The following CTTNBP2 variants were observed in gnomAD, a reference collection of about 807,000 sequenced individuals.
CTTNBP2 encodes the protein cortactin-binding protein 2.
Under a neutral mutation model 156.9 loss-of-function variants are expected in CTTNBP2, and 108 were observed. The observed-to-expected ratio is 0.69, with a 90% CI of 0.59 to 0.81. The LOEUF (loss-of-function observed/expected upper bound fraction) is 0.81, where lower values mean the gene tolerates loss of function less well. Among genes scored for constraint, CTTNBP2 ranks in the 30% least tolerant of loss-of-function variants. The probability of loss-of-function intolerance (pLI) is 0.00; values close to 1 mark genes in which losing one functional copy is unlikely to be tolerated. For synonymous variants in CTTNBP2, 767 were observed against 751.8 expected, an observed-to-expected ratio of 1.02 and a Z score of -0.33; for missense variants, 1,924 against 2,035.4, an observed-to-expected ratio of 0.95 and a Z score of 1.05.
At chr7:117,734,868 A>G (rs957535626) in intron 16 of CTTNBP2, 45 bp downstream of exon 16, 1 of 1,481,792 alleles carries the variant, frequency 6.7e-7, no homozygotes, top group African/African-American at 1.4e-5. Context: ...CTGACAACAA[A>G]AACCCCTGCT....
Position 117,838,410 on chromosome 7 carries a change from C to CT in CTTNBP2, c.189+22798dup, listed in dbSNP as rs538984065. ...TCTAATGCTAATATCATCAAGGAGT[C>CT]TAATGTGGTTATGTGACACCTTGTT... On this transcript the variant is annotated intron_variant, in intron 2 of 22. Coordinates refer to ENST00000160373, the MANE Select transcript of CTTNBP2 (RefSeq NM_033427.3). Among the ~76,000 whole-genome samples, 323 of 152,224 alleles carry CT rather than the reference C, an allele frequency of 2.1e-3. 2 individuals are homozygous for CT. Among genetic ancestry groups the CT allele is most frequent in the African/African-American group, 6.5e-3 (268 of 41,540 alleles).
At chr7:117,811,731 T>C (rs1222066455) in intron 2 of CTTNBP2, among the ~76,000 whole-genome samples, 1 of 151,798 alleles carries the variant, frequency 6.6e-6, no homozygotes, top group Non-Finnish European at 1.5e-5. Flanking sequence ...ATACAAAAAA[T>C]CCCCTATAGG....
Position 117,767,143 on chromosome 7 carries a change from G to T in CTTNBP2, c.2812C>A (p.Leu938Ile). 1 of 1,611,300 alleles carries T rather than the reference G, an allele frequency of 6.2e-7. No homozygotes were observed. The highest frequency in any genetic ancestry group is 8.5e-7 in the Non-Finnish European group (1 of 1,177,532). ...CLEILCRHGG[L>I]EPERRDKCNR... ...CACTTGTCTCTCCTTTCTGGCTCAAGCCCTCCGTGCCTACACAAGATTTCT... is the reference window on the plus strand; with the variant it reads ...CACTTGTCTCTCCTTTCTGGCTCAATCCCTCCGTGCCTACACAAGATTTCT... The change falls in exon 9 of 23, where the codon CTT becomes ATT. Residue 938 changes from leucine (L) to isoleucine (I), a missense_variant. Coordinates refer to ENST00000160373, the MANE Select transcript of CTTNBP2 (RefSeq NM_033427.3).
At chr7:117,748,457 T>G (rs1796455230) in intron 12 of CTTNBP2, among the ~76,000 whole-genome samples, 1 of 152,170 alleles carries the variant, frequency 6.6e-6, no homozygotes, top group Admixed American at 6.5e-5. Flanking sequence ...ATGCTTAAGT[T>G]CTCTTTTTTC....
chr7:117,767,902 A>G (rs774914265), intron 8 of CTTNBP2, among the ~76,000 whole-genome samples: 3 of 152,186 alleles, frequency 2.0e-5, no homozygotes, highest in Non-Finnish European at 2.9e-5. Context: ...AAATTTTCTA[A>G]TAAATAAGCA....
At position 117,824,940 on chromosome 7, in the gene CTTNBP2, C is replaced by T. The variant is rs193208029; in HGVS notation, c.190-13951G>A. 6.6e-5 allele frequency among the ~76,000 whole-genome samples: 10 copies of T among 152,226 alleles called. No homozygotes were observed. In the East Asian group the frequency reaches 1.9e-3, roughly 29 times the overall value. On this transcript the variant is annotated intron_variant, in intron 2 of 22. Transcript: ENST00000160373. ...TCTATCCTGCAAGATCTCTCATGGG[C>T]CTTATGTTTTCTTTTTTCTTGTTTA... is the stretch of plus-strand genomic sequence containing the variant.
intron 2 of CTTNBP2, among the ~76,000 whole-genome samples, chr7:117,848,413 T>C (rs1412235385): frequency 6.6e-6 from 1 of 152,174 alleles, no homozygotes; most frequent in African/African-American, 2.4e-5. Context: ...CAATGAATTT[T>C]ATGCAAAAGC....
intron 17 of CTTNBP2, among the ~76,000 whole-genome samples, chr7:117,726,522 G>A (rs915055212): frequency 6.6e-6 from 1 of 152,172 alleles, no homozygotes; most frequent in African/African-American, 2.4e-5. Context: ...TTAGCCATTG[G>A]TAGACAATTC....
intron 3 of CTTNBP2, among the ~76,000 whole-genome samples, chr7:117,794,211 G>A (rs1799191824): frequency 6.6e-6 from 1 of 152,116 alleles, no homozygotes; most frequent in Non-Finnish European, 1.5e-5. Context: ...AGTCTAACAT[G>A]TTACTGCAAA....
chr7:117,794,178 G>A (rs1364673031), intron 3 of CTTNBP2, among the ~76,000 whole-genome samples: 8 of 152,172 alleles, frequency 5.3e-5, no homozygotes, highest in Non-Finnish European at 1.0e-4. Context: ...TTCTGGCTAA[G>A]TGGGCAGCCT....
At chr7:117,817,752 C>CA (rs560770784) in intron 2 of CTTNBP2, among the ~76,000 whole-genome samples, 20 of 151,518 alleles carry the variant, frequency 1.3e-4, no homozygotes, top group African/African-American at 4.4e-4. Flanking sequence ...ATAATACTAA[C>CA]AAAAAAAACT....
At chr7:117,714,744 G>C (rs189816205) in intron 22 of CTTNBP2, among the ~76,000 whole-genome samples, 26 of 152,294 alleles carry the variant, frequency 1.7e-4, no homozygotes, top group Non-Finnish European at 3.4e-4. Context: ...AGAACATGGA[G>C]AATCACTTGG....
intron 12 of CTTNBP2, among the ~76,000 whole-genome samples, chr7:117,747,956 A>G (rs928007318): frequency 2.6e-5 from 4 of 152,096 alleles, no homozygotes; most frequent in African/African-American, 9.7e-5. Flanking sequence ...TTAGGCTCTG[A>G]AAGATATCAT....
At chr7:117,715,625 G>A (rs746775927) in intron 22 of CTTNBP2, 20 of 152,252 alleles carry the variant, frequency 1.3e-4, no homozygotes, top group Non-Finnish European at 2.5e-4. Flanking sequence ...ATGTATATTT[G>A]TTTTTAATTC....
At chr7:117,721,377 C>T (rs1794782549) in intron 19 of CTTNBP2, among the ~76,000 whole-genome samples, 1 of 152,230 alleles carries the variant, frequency 6.6e-6, no homozygotes, top group Non-Finnish European at 1.5e-5. Flanking sequence ...ACAACTAACA[C>T]TACCTGAAGC....
Position 117,861,221 on chromosome 7 carries a change from G to C in CTTNBP2, c.177C>G (p.Ile59Met), listed in dbSNP as rs200629394. The change falls in exon 2 of 23, where the codon ATC becomes ATG. Residue 59 changes from isoleucine to methionine, a missense_variant. Coordinates refer to ENST00000160373, the MANE Select transcript of CTTNBP2 (RefSeq NM_033427.3). ...GTGTCGTCCTTACCCGCAGGGCCTC[G>C]ATGACAAGGTCTCTGGCCTCCAGCT... is the stretch of plus-strand genomic sequence containing the variant. ...EGELEARDLV[I>M]EALRARRKEV... The C allele has an allele frequency of 6.2e-7, 1 of 1,611,722 alleles. No homozygotes were observed. Among genetic ancestry groups the C allele is most frequent in the East Asian group, 2.2e-5 (1 of 44,858 alleles).
intron 9 of CTTNBP2, among the ~76,000 whole-genome samples, chr7:117,764,723 T>G (rs1272298184): frequency 1.3e-5 from 2 of 152,210 alleles, no homozygotes; most frequent in Non-Finnish European, 2.9e-5. Context: ...TTTATTCTAT[T>G]TATCCATTTC....
intron 9 of CTTNBP2, among the ~76,000 whole-genome samples, chr7:117,764,333 T>G (rs922552682): frequency 6.6e-6 from 1 of 152,134 alleles, no homozygotes; most frequent in Non-Finnish European, 1.5e-5. Context: ...TCCCCAGCAC[T>G]GCAGATACAG....
At chr7:117,714,033 G>A (rs537456429) in intron 22 of CTTNBP2, 17 of 152,178 alleles carry the variant, frequency 1.1e-4, no homozygotes, top group African/African-American at 2.7e-4. Flanking sequence ...TTTTAACTAC[G>A]TCCGAGGAAG....
Sources: gnomAD v4.1 joint callset for allele counts (sites outside exome capture counted in the v4.1 genomes callset) on GRCh38, gnomAD v4.1.1 for gene constraint, MANE v1.5 for transcripts, NCBI Gene and HGNC (gene_info 2026-07-23, HGNC 2026-07-21) for gene names.